The following TNNI3K variants were observed in gnomAD, a reference collection of about 807,000 sequenced individuals.
The protein encoded by TNNI3K is TNNI3 interacting kinase.
In TNNI3K, 140 loss-of-function variants were observed where a neutral mutation model predicts 114.5. The ratio of observed to expected loss-of-function variants is 1.22; its 90% CI spans 1.07 to 1.41. The LOEUF is 1.41. Among genes scored for constraint, TNNI3K ranks in the 40% most tolerant of loss-of-function variants. The pLI is 0.00. For missense variants in TNNI3K, 1,125 were observed against 1,007.6 expected (o/e 1.12, Z -1.58); for synonymous variants, 347 against 347.5 (o/e 1.00, Z 0.02).
At chr1:74,487,629 T>C (rs912051745) in intron 21 of TNNI3K, among the ~76,000 whole-genome samples, 16 of 151,784 alleles carry the variant, frequency 1.1e-4, no homozygotes, top group African/African-American at 2.9e-4. Flanking sequence ...AAATGAAATA[T>C]AAGGTAAAGG....
chr1:74,440,675 A>G (rs1422885202), intron 20 of TNNI3K, among the ~76,000 whole-genome samples: 1 of 152,052 alleles, frequency 6.6e-6, no homozygotes, highest in African/African-American at 2.4e-5. Context: ...AAGCGTAATG[A>G]TGATGTAATT....
intron 21 of TNNI3K, among the ~76,000 whole-genome samples, chr1:74,464,430 T>C (rs1667581956): frequency 6.6e-6 from 1 of 152,236 alleles, no homozygotes; most frequent in Non-Finnish European, 1.5e-5. Flanking sequence ...CTAATGGTTC[T>C]TATTTTTCCA....
intron 9 of TNNI3K, among the ~76,000 whole-genome samples, chr1:74,349,419 C>T (rs76283854): frequency 6.6e-6 from 1 of 151,816 alleles, no homozygotes; most frequent in Non-Finnish European, 1.5e-5. Flanking sequence ...CAAGGATATT[C>T]GTCTAAAATT....
At chr1:74,433,870 CT>C (rs1443850553) in intron 17 of TNNI3K, among the ~76,000 whole-genome samples, 1 of 152,026 alleles carries the variant, frequency 6.6e-6, no homozygotes, top group Non-Finnish European at 1.5e-5. Flanking sequence ...CTCTTTCTCA[CT>C]GTGTATATTA....
intron 23 of TNNI3K, among the ~76,000 whole-genome samples, chr1:74,522,234 AAGAG>A (rs1646443064): frequency 1.3e-5 from 2 of 152,202 alleles, no homozygotes; most frequent in Non-Finnish European, 2.9e-5. Flanking sequence ...AGGGGCTTCA[AAGAG>A]AGACATTTAG....
intron 23 of TNNI3K, among the ~76,000 whole-genome samples, chr1:74,519,733 A>T (rs1287420131): frequency 6.6e-6 from 1 of 152,182 alleles, no homozygotes; most frequent in Non-Finnish European, 1.5e-5. Flanking sequence ...TTATACATGA[A>T]ATTTTTCTAA....
At chr1:74,419,758 C>A (rs894048397) in intron 17 of TNNI3K, among the ~76,000 whole-genome samples, 1 of 152,020 alleles carries the variant, frequency 6.6e-6, no homozygotes, top group Admixed American at 6.6e-5. Context: ...ATTTGGATAA[C>A]CTACACAGGA....
At chr1:74,314,045 T>TTATATATATA (rs201922658) in intron 5 of TNNI3K, among the ~76,000 whole-genome samples, 107 of 6,182 alleles carry the variant, frequency 0.017, 1 homozygote, top group African/African-American at 0.022. Context: ...AGAAAGTTCA[T>TTATATATATA]TATATATATA....
At chr1:74,439,903 A>G (rs1181353941) in intron 20 of TNNI3K, among the ~76,000 whole-genome samples, 3 of 152,078 alleles carry the variant, frequency 2.0e-5, no homozygotes. Context: ...AACTATGATC[A>G]TGTGGCATGT....
At position 74,437,547 on chromosome 1, in the gene TNNI3K, G is replaced by T. The variant is rs1570618828; in HGVS notation, c.1878+1021G>T. ...GGCCTGACATGGGAGTAATCTACATGGGGGGAGAGCTATGCAGGTGGGGGC... is the reference window on the plus strand; with the variant it reads ...GGCCTGACATGGGAGTAATCTACATTGGGGGAGAGCTATGCAGGTGGGGGC... On this transcript the variant is annotated intron_variant, in intron 19 of 24. Transcript: ENST00000326637. Among the ~76,000 whole-genome samples the T allele has an allele frequency of 4.6e-5, 7 of 152,052 alleles. 1 individual carries two copies. The highest frequency in any genetic ancestry group is 3.9e-4 in the Admixed American group (6 of 15,250).
chr1:74,391,957 A>AT (rs34656417), intron 17 of TNNI3K, among the ~76,000 whole-genome samples: 13,807 of 92,780 alleles, frequency 0.15, 2,548 homozygotes, highest in Non-Finnish European at 0.2. Context: ...ACAGCTTATT[A>AT]TTTTTTTTTT....
At chr1:74,431,318 A>G (rs566678213) in intron 17 of TNNI3K, among the ~76,000 whole-genome samples, 1 of 151,964 alleles carries the variant, frequency 6.6e-6, no homozygotes, top group African/African-American at 2.4e-5. Context: ...TCTTAAGACT[A>G]TTTTTTTCTA....
intron 23 of TNNI3K, among the ~76,000 whole-genome samples, chr1:74,523,926 C>G (rs531729600): frequency 8.3e-4 from 125 of 150,612 alleles, no homozygotes; most frequent in African/African-American, 3.0e-3. Flanking sequence ...CCTCCCCTTT[C>G]CCCCCACCCC....
chr1:74,542,255 T>C (rs900737525), intron 24 of TNNI3K, among the ~76,000 whole-genome samples: 1 of 152,176 alleles, frequency 6.6e-6, no homozygotes, highest in Non-Finnish European at 1.5e-5. Context: ...ATTGGAGTCC[T>C]GTGGGGCAAG....
In TNNI3K at chr1:74,353,259, T is replaced by C. The variant is rs778794443; in HGVS notation, c.933-7T>C. On this transcript the variant is annotated splice_polypyrimidine_tract_variant and splice_region_variant and intron_variant, in intron 9 of 24. Coordinates refer to ENST00000326637, the MANE Select transcript of TNNI3K (RefSeq NM_015978.3). The stretch of plus-strand genomic sequence containing the variant: ...TATCTTTCTTGTTTTATGGTTTTTT[T>C]TTTCAGTGCTTGTACCTATGGCAAG... The C allele has an allele frequency of 6.2e-7, 1 of 1,604,998 alleles. No homozygotes were observed. The highest frequency in any genetic ancestry group is 8.5e-7 in the Non-Finnish European group (1 of 1,177,708).
chr1:74,313,561 T>C (rs917614987), intron 5 of TNNI3K, among the ~76,000 whole-genome samples: 3 of 152,264 alleles, frequency 2.0e-5, no homozygotes, highest in Non-Finnish European at 2.9e-5. Context: ...TAGCAGATTG[T>C]CCAGAGGACA....
chr1:74,332,850 C>T (rs1011999145), intron 6 of TNNI3K, among the ~76,000 whole-genome samples: 1 of 151,284 alleles, frequency 6.6e-6, no homozygotes, highest in African/African-American at 2.4e-5. Context: ...TTTTCTAACT[C>T]TAAAGTCTGC....
At position 74,367,337 on chromosome 1, in the gene TNNI3K, G is replaced by A. The variant is rs1362303821; in HGVS notation, c.1259G>A (p.Gly420Glu). ...ELPCNEYSQP[G>E]GDGSYVSVPS... ...CCCTGTAATGAATATTCTCAGCCTG[G>A]AGGAGGTACCCCTTTTCTTATTCAG... Residue 420 changes from glycine (G) to glutamate (E), a missense_variant, in exon 12 of 25, where the codon GGA (glycine) becomes GAA (glutamate). Physicochemically the swap from Gly to Glu is moderately conservative, Grantham distance 98 (BLOSUM62 -2). Transcript: ENST00000326637. 6.2e-6 allele frequency: 10 copies of A among 1,611,860 alleles called. No individual in the cohort carries two copies. Among genetic ancestry groups the A allele is most frequent in the Admixed American group, 1.7e-5 (1 of 59,830 alleles).
At chr1:74,506,169 C>T (rs1305408397) in intron 23 of TNNI3K, among the ~76,000 whole-genome samples, 5 of 152,084 alleles carry the variant, frequency 3.3e-5, no homozygotes, top group Non-Finnish European at 5.9e-5. Context: ...AGAGAAGACA[C>T]GTTACATGTT....
Sources: gnomAD v4.1 joint callset for allele counts (sites outside exome capture counted in the v4.1 genomes callset) on GRCh38, gnomAD v4.1.1 for gene constraint, MANE v1.5 for transcripts, NCBI Gene and HGNC (gene_info 2026-07-23, HGNC 2026-07-21) for gene names.